Variants in ERC2 observed in about 807,000 individuals in gnomAD.
ERC2 encodes the protein ERC protein 2.
In ERC2, 42 loss-of-function variants were observed where a neutral mutation model predicts 114.8. The ratio of observed to expected loss-of-function variants is 0.37; its 90% CI spans 0.29 to 0.47. The LOEUF (loss-of-function observed/expected upper bound fraction) is 0.47, where lower values mean the gene tolerates loss of function less well. Among genes scored for constraint, ERC2 ranks in the 20% least tolerant of loss-of-function variants. The pLI is 0.99. For missense variants in ERC2, 939 were observed against 1,150.7 expected (o/e 0.82, Z 2.66); for synonymous variants, 454 against 425.5 (o/e 1.07, Z -0.82).
chr3:55,676,326 G>A (rs2061808842), intron 17 of ERC2, among the ~76,000 whole-genome samples: 1 of 151,944 alleles, frequency 6.6e-6, no homozygotes, highest in South Asian at 2.1e-4. Flanking sequence ...GATCACGCAT[G>A]TCTCTCTGGC....
chr3:55,912,329 G>T (rs1036416155), intron 13 of ERC2, among the ~76,000 whole-genome samples: 1 of 152,090 alleles, frequency 6.6e-6, no homozygotes, highest in Non-Finnish European at 1.5e-5. Flanking sequence ...GTTGCCAACA[G>T]ATATTAAATC....
chr3:55,711,315 A>G (rs1224255989), intron 15 of ERC2, among the ~76,000 whole-genome samples: 2 of 152,220 alleles, frequency 1.3e-5, no homozygotes, highest in African/African-American at 2.4e-5. Context: ...TAAAGAGTAC[A>G]AAAGAGTTTA....
At chr3:55,740,748 T>C (rs527392611) in intron 14 of ERC2, among the ~76,000 whole-genome samples, 7 of 152,174 alleles carry the variant, frequency 4.6e-5, no homozygotes, top group Non-Finnish European at 1.0e-4. Flanking sequence ...AATTTGGTTT[T>C]TGAAGCAAGA....
chr3:56,292,602 G>T (rs995309513), intron 3 of ERC2, among the ~76,000 whole-genome samples: 1 of 139,838 alleles, frequency 7.2e-6, no homozygotes. Flanking sequence ...ACCGCCCCCC[G>T]CAAAAAAAAG....
At chr3:55,672,938 T>C (rs1406951111) in intron 17 of ERC2, among the ~76,000 whole-genome samples, 1 of 152,146 alleles carries the variant, frequency 6.6e-6, no homozygotes, top group African/African-American at 2.4e-5. Context: ...TGTTGGTGCA[T>C]TCATAATTTT....
chr3:55,698,286 A>C (rs972288529), intron 16 of ERC2, among the ~76,000 whole-genome samples: 1 of 152,028 alleles, frequency 6.6e-6, no homozygotes, highest in Non-Finnish European at 1.5e-5. Context: ...GCCTCACTGC[A>C]CAGCTCCCAG....
chr3:55,857,096 G>A (rs1245820595), intron 14 of ERC2, among the ~76,000 whole-genome samples: 1 of 152,022 alleles, frequency 6.6e-6, no homozygotes, highest in East Asian at 1.9e-4. Flanking sequence ...TAGTGGTGAT[G>A]GGTTGTACTG....
chr3:56,074,569 T>C lies in ERC2; in HGVS notation c.1641+6248A>G, dbSNP rs985254257. On this transcript the variant is annotated intron_variant, in intron 7 of 17. Transcript: ENST00000288221. ...GAAGCATTCTCTTTGCAGAATAAGA[T>C]GATATTCTCTGTAAATACCACATTT... 5.3e-5 allele frequency among the ~76,000 whole-genome samples: 8 copies of C among 152,144 alleles called. No individual in the cohort carries two copies. In the South Asian group the frequency reaches 1.0e-3, roughly 20 times the overall value.
chr3:55,556,625 C>G (rs1461473111), intron 17 of ERC2, among the ~76,000 whole-genome samples: 1 of 152,164 alleles, frequency 6.6e-6, no homozygotes, highest in Non-Finnish European at 1.5e-5. Context: ...GGATCTGAAT[C>G]TGGAAGGATG....
chr3:55,976,939 T>A (rs963628369), intron 12 of ERC2, among the ~76,000 whole-genome samples: 11 of 152,178 alleles, frequency 7.2e-5, no homozygotes, highest in African/African-American at 2.7e-4. Flanking sequence ...AGCAATGGGA[T>A]GAGTGCCTTT....
At chr3:55,538,647 G>A (rs1458164846) in intron 17 of ERC2, among the ~76,000 whole-genome samples, 15 of 152,184 alleles carry the variant, frequency 9.9e-5, no homozygotes, top group Admixed American at 8.5e-4. Context: ...ACAAAACCCT[G>A]TTTTTCTTTC....
At chr3:56,168,645 A>G (rs2082450609) in intron 4 of ERC2, among the ~76,000 whole-genome samples, 1 of 152,178 alleles carries the variant, frequency 6.6e-6, no homozygotes, top group Non-Finnish European at 1.5e-5. Flanking sequence ...GTTGCGAAGT[A>G]GTAGTTCTTG....
At chr3:55,926,991 T>C (rs889524300) in intron 13 of ERC2, among the ~76,000 whole-genome samples, 1 of 152,196 alleles carries the variant, frequency 6.6e-6, no homozygotes, top group Admixed American at 6.5e-5. Context: ...TTACTAGCAA[T>C]GCCAGAAATA....
chr3:56,396,821 C>T (rs2060325750), intron 2 of ERC2, among the ~76,000 whole-genome samples: 1 of 152,120 alleles, frequency 6.6e-6, no homozygotes, highest in African/African-American at 2.4e-5. Flanking sequence ...GGAGGGTGGA[C>T]AGGAGATAGA....
intron 17 of ERC2, among the ~76,000 whole-genome samples, chr3:55,582,668 A>G (rs2057320774): frequency 6.6e-6 from 1 of 152,228 alleles, no homozygotes. Context: ...TTTCTTCTGC[A>G]GGGCTCTGAC....
At chr3:55,994,572 C>T (rs2071343793) in intron 10 of ERC2, among the ~76,000 whole-genome samples, 1 of 140,618 alleles carries the variant, frequency 7.1e-6, no homozygotes, top group Admixed American at 7.6e-5. Context: ...AATATGCATC[C>T]CAGAAATACA....
At chr3:56,037,482 ACAGT>A (rs1195576239) in intron 7 of ERC2, among the ~76,000 whole-genome samples, 1 of 152,210 alleles carries the variant, frequency 6.6e-6, no homozygotes, top group African/African-American at 2.4e-5. Context: ...CTGAAATAAG[ACAGT>A]CAGACGAGAT....
chr3:55,984,244 C>G (rs2070394061), intron 12 of ERC2, among the ~76,000 whole-genome samples: 1 of 152,106 alleles, frequency 6.6e-6, no homozygotes, highest in Non-Finnish European at 1.5e-5. Flanking sequence ...CCCCTTCCAG[C>G]CCTGTCTTCT....
At chr3:56,112,823 G>A (rs945408681) in intron 6 of ERC2, among the ~76,000 whole-genome samples, 6 of 151,950 alleles carry the variant, frequency 3.9e-5, no homozygotes, top group East Asian at 1.9e-4. Context: ...CATTTCCACC[G>A]GGAGGTCAAC....
Sources: allele counts gnomAD v4.1 joint callset (sites outside exome capture counted in the v4.1 genomes callset), GRCh38; gene constraint gnomAD v4.1.1; transcripts MANE v1.5; gene names NCBI Gene and HGNC (gene_info 2026-07-23, HGNC 2026-07-21).